ROBO1: variants seen among roughly 807,000 people sequenced by gnomAD.
The protein encoded by ROBO1 is roundabout homolog 1.
A neutral mutation model predicts 195.9 loss-of-function variants in ROBO1; 149 were observed. The ratio of observed to expected loss-of-function variants is 0.76; its 90% CI spans 0.67 to 0.87. ROBO1 has a LOEUF of 0.87. ROBO1 is among the 40% of genes least tolerant of loss of function. ROBO1 has a pLI of 0.00. For missense variants in ROBO1, 1,933 were observed against 2,068.3 expected (o/e 0.93, Z 1.27); for synonymous variants, 816 against 733.2 (o/e 1.11, Z -1.82).
At chr3:79,259,968 T>C (rs1175867338) in intron 2 of ROBO1, among the ~76,000 whole-genome samples, 2 of 152,116 alleles carry the variant, frequency 1.3e-5, no homozygotes, top group Middle Eastern at 3.2e-3. Context: ...GAGGCAAATG[T>C]AGCTTTCCCT....
At chr3:78,724,785 C>T (rs1378701033) in intron 5 of ROBO1, among the ~76,000 whole-genome samples, 4 of 152,022 alleles carry the variant, frequency 2.6e-5, no homozygotes, top group Non-Finnish European at 5.9e-5. Context: ...TGTGGTGCCC[C>T]TATGTAAGCC....
intron 2 of ROBO1, among the ~76,000 whole-genome samples, chr3:79,575,212 T>TATATAAATATATATATAAC (rs1560007377): frequency 1.8e-5 from 1 of 55,276 alleles, no homozygotes; most frequent in Non-Finnish European, 3.5e-5. Flanking sequence ...ATATAACAGA[T>TATATAAATATATATATAAC]ATATATATAT....
intron 5 of ROBO1, among the ~76,000 whole-genome samples, chr3:78,731,992 A>G (rs1576042324): frequency 6.6e-6 from 1 of 152,222 alleles, no homozygotes; most frequent in East Asian, 1.9e-4. Flanking sequence ...TATACATAGC[A>G]TTGTTACATG....
At chr3:79,594,113 G>A (rs1244796123) in intron 1 of ROBO1, among the ~76,000 whole-genome samples, 2 of 151,840 alleles carry the variant, frequency 1.3e-5, no homozygotes, top group Admixed American at 6.6e-5. Context: ...TGGTCTTTAA[G>A]AATCCTCTCA....
At chr3:79,690,100 A>G (rs1381159119) in intron 1 of ROBO1, among the ~76,000 whole-genome samples, 1 of 151,904 alleles carries the variant, frequency 6.6e-6, no homozygotes, top group Non-Finnish European at 1.5e-5. Context: ...TCATTTCCAA[A>G]TATCTTTACA....
At chr3:79,081,375 G>T (rs1021613266) in intron 3 of ROBO1, among the ~76,000 whole-genome samples, 2 of 152,018 alleles carry the variant, frequency 1.3e-5, no homozygotes, top group East Asian at 1.9e-4. Context: ...CCAGTGAACC[G>T]TTATGCAAAG....
intron 2 of ROBO1, among the ~76,000 whole-genome samples, chr3:79,177,230 G>A (rs1023960979): frequency 5.9e-5 from 9 of 152,226 alleles, no homozygotes; most frequent in Admixed American, 3.3e-4. Context: ...ATAAACTTAC[G>A]TTTCAAAGAC....
At chr3:78,682,365 C>T (rs2080937442) in intron 10 of ROBO1, among the ~76,000 whole-genome samples, 1 of 150,316 alleles carries the variant, frequency 6.7e-6, no homozygotes, top group Admixed American at 6.6e-5. Context: ...ACACTTTGTA[C>T]ATTTATGTCA....
intron 1 of ROBO1, among the ~76,000 whole-genome samples, chr3:79,655,038 C>T (rs574642963): frequency 3.3e-5 from 5 of 152,048 alleles, no homozygotes; most frequent in Admixed American, 2.6e-4. Context: ...GTTAATAGCA[C>T]ACTGCTTTAT....
chr3:78,901,954 T>A (rs2037618059), intron 4 of ROBO1, among the ~76,000 whole-genome samples: 1 of 152,194 alleles, frequency 6.6e-6, no homozygotes, highest in African/African-American at 2.4e-5. Context: ...TACGTTTATT[T>A]CAAAATTTTA....
rs1463330131 is a variant in ROBO1, at chr3:78,597,830, CAT to C, written c.*1081_*1082del. The C allele has an allele frequency of 1.3e-5, 2 of 151,312 alleles. No homozygotes were observed. Among genetic ancestry groups the C allele is most frequent in the East Asian group, 2.0e-4 (1 of 5,120 alleles). 9.4% of individuals were successfully genotyped at this position (151,312 alleles called of 1,614,324 possible). A position where few individuals can be genotyped will look rare whatever the true frequency, so the allele number is the denominator to read the frequency against. ...ATTATTCAAATATTCCAAATACAAA[CAT>C]AGAGCATTAACAAAACAGGTTAAAA... is the stretch of plus-strand genomic sequence containing the variant. On this transcript the variant is annotated 3_prime_UTR_variant, in exon 31 of 31. Coordinates refer to ENST00000464233, the MANE Select transcript of ROBO1 (RefSeq NM_002941.4).
intron 4 of ROBO1, among the ~76,000 whole-genome samples, chr3:78,797,207 C>G (rs1277149139): frequency 6.6e-6 from 1 of 152,164 alleles, no homozygotes; most frequent in Non-Finnish European, 1.5e-5. Context: ...TGTACCATGA[C>G]ACTAAAAGTT....
At chr3:79,732,379 A>G (rs958536904) in intron 1 of ROBO1, among the ~76,000 whole-genome samples, 1 of 151,882 alleles carries the variant, frequency 6.6e-6, no homozygotes, top group African/African-American at 2.4e-5. Context: ...TTTGTTTAAA[A>G]TTATTTTCTT....
intron 1 of ROBO1, among the ~76,000 whole-genome samples, chr3:79,645,503 A>AAAAT (rs1945793378): frequency 6.6e-6 from 1 of 152,044 alleles, no homozygotes; most frequent in Admixed American, 6.6e-5. Context: ...CTCTGTCTCT[A>AAAAT]AAATAAATAA....
rs768153937 is a variant in ROBO1 at position 78,646,129 on chromosome 3, A to C, written c.2882+19T>G. The C allele has an allele frequency of 1.1e-5, 17 of 1,603,502 alleles. No individual in the cohort carries two copies. The highest frequency in any genetic ancestry group is 1.4e-5 in the Non-Finnish European group (16 of 1,172,068). ...TTTGGAATTCCCTGTAGGATCTACA[A>C]AACAAGCAAGATAATTACCTCCCTC... On this transcript the variant is annotated intron_variant, in intron 21 of 30. Transcript: ENST00000464233.
rs527937286 is a variant in ROBO1 at position 79,715,771 on chromosome 3, T to C, written c.-51+51981A>G. Among the ~76,000 whole-genome samples the C allele has an allele frequency of 1.6e-3, 242 of 152,222 alleles. 1 individual carries two copies. The highest frequency in any genetic ancestry group is 5.4e-3 in the African/African-American group (223 of 41,562). Reference sequence around the variant, plus strand: ...TTTTCCTTGATCATACTTTGAGAAATATGCCACAATTTTAATATTTCTTAA... The same window carrying C: ...TTTTCCTTGATCATACTTTGAGAAACATGCCACAATTTTAATATTTCTTAA... On this transcript the variant is annotated intron_variant, in intron 1 of 30. Coordinates refer to ENST00000464233, the MANE Select transcript of ROBO1 (RefSeq NM_002941.4).
At chr3:78,944,216 A>T (rs2040291873) in intron 3 of ROBO1, among the ~76,000 whole-genome samples, 1 of 152,240 alleles carries the variant, frequency 6.6e-6, no homozygotes. Context: ...CTTTCCAACT[A>T]TTCCATAAAT....
In ROBO1 at chr3:78,765,479, T is replaced by G. The variant is rs181257902; in HGVS notation, c.500-18579A>C. Among the ~76,000 whole-genome samples, 5 of 152,042 alleles carry G rather than the reference T, an allele frequency of 3.3e-5. No homozygotes were observed. In the East Asian group the frequency reaches 9.6e-4, roughly 29 times the overall value. Reference sequence around the variant, plus strand: ...AGTTGATTAAGAAATTACATTAAAGTAAAACAATATTATCTTTAAAACTTG... The same window carrying G: ...AGTTGATTAAGAAATTACATTAAAGGAAAACAATATTATCTTTAAAACTTG... On this transcript the variant is annotated intron_variant, in intron 4 of 30. Coordinates refer to ENST00000464233, the MANE Select transcript of ROBO1 (RefSeq NM_002941.4).
chr3:79,241,442 C>A (rs779550664), intron 2 of ROBO1, among the ~76,000 whole-genome samples: 7 of 151,984 alleles, frequency 4.6e-5, no homozygotes, highest in South Asian at 2.1e-4. Flanking sequence ...AAAATAAATT[C>A]TTTTCCTTTT....
Sources: gnomAD v4.1 joint callset for allele counts (sites outside exome capture counted in the v4.1 genomes callset) on GRCh38, gnomAD v4.1.1 for gene constraint, MANE v1.5 for transcripts, NCBI Gene and HGNC (gene_info 2026-07-23, HGNC 2026-07-21) for gene names.